The following SPPL2A variants were observed in gnomAD, a reference collection of about 807,000 sequenced individuals.
The protein encoded by SPPL2A is signal peptide peptidase-like 2A.
A neutral mutation model predicts 63.8 loss-of-function variants in SPPL2A; 51 were observed. The ratio of observed to expected loss-of-function variants is 0.80; its 90% CI spans 0.64 to 1.01. The LOEUF (loss-of-function observed/expected upper bound fraction) is 1.01, where lower values mean the gene tolerates loss of function less well. Ranked by LOEUF, SPPL2A falls within the 50% of genes least tolerant of loss-of-function variation. SPPL2A has a pLI of 0.00. For missense variants in SPPL2A, 553 were observed against 622.7 expected (o/e 0.89, Z 1.19); for synonymous variants, 188 against 205.8 (o/e 0.91, Z 0.74).
chr15:50,721,858 G>A (rs562622552), intron 13 of SPPL2A, among the ~76,000 whole-genome samples: 9 of 152,058 alleles, frequency 5.9e-5, no homozygotes, highest in African/African-American at 1.2e-4. Context: ...TGCCTGCCTC[G>A]GCCTCCCAAA....
At chr15:50,762,915 AT>A (rs1047412931) in intron 1 of SPPL2A, among the ~76,000 whole-genome samples, 4 of 137,820 alleles carry the variant, frequency 2.9e-5, no homozygotes, top group African/African-American at 2.6e-5. Flanking sequence ...TTTTTTTTGT[AT>A]TTTTTTTTAG....
At chr15:50,762,622 A>C (rs1377606434) in intron 1 of SPPL2A, among the ~76,000 whole-genome samples, 2 of 152,116 alleles carry the variant, frequency 1.3e-5, no homozygotes, top group Non-Finnish European at 2.9e-5. Flanking sequence ...CCTCTTCTAG[A>C]TGGATGTGCC....
rs2062511694 is a variant in SPPL2A at position 50,706,608 on chromosome 15, A to G, written c.*1192T>C. ...GGGTGGGCATCAGGAAGAAAAAAAG[A>G]TAACGGGTGGGAGTGGGGGAATGTG... is the stretch of plus-strand genomic sequence containing the variant. On this transcript the variant is annotated 3_prime_UTR_variant, in exon 15 of 15. Coordinates refer to ENST00000261854, the MANE Select transcript of SPPL2A (RefSeq NM_032802.4). 1 of 152,082 alleles carries G rather than the reference A, an allele frequency of 6.6e-6. No individual in the cohort carries two copies. The highest frequency in any genetic ancestry group is 6.6e-5 in the Admixed American group (1 of 15,240). 9.4% of individuals were successfully genotyped at this position (152,082 alleles called of 1,614,324 possible). A position where few individuals can be genotyped will look rare whatever the true frequency, so the allele number is the denominator to read the frequency against.
intron 1 of SPPL2A, among the ~76,000 whole-genome samples, chr15:50,758,786 T>A (rs902269515): frequency 1.3e-5 from 2 of 152,206 alleles, no homozygotes; most frequent in Non-Finnish European, 2.9e-5. Context: ...TTTTACTATC[T>A]TCAGGGAAGG....
At chr15:50,716,662 A>G (rs1197887836) in intron 14 of SPPL2A, among the ~76,000 whole-genome samples, 1 of 152,170 alleles carries the variant, frequency 6.6e-6, no homozygotes, top group East Asian at 1.9e-4. Flanking sequence ...TCTAAACTAA[A>G]CAAAGATTTA....
chr15:50,736,244 CA>C lies in SPPL2A; in HGVS notation c.831-43del, dbSNP rs2062770526. ...AATAGTTAACACTGCAGATGAAGTA[CA>C]ATGTTCACTTGATATAAGAAGTAGC... On this transcript the variant is annotated intron_variant, in intron 7 of 14. Transcript: ENST00000261854. 3 of 1,131,882 alleles carry C rather than the reference CA, an allele frequency of 2.7e-6. No homozygotes were observed. In the African/African-American group the frequency reaches 4.6e-5, roughly 17 times the overall value. 70.1% of individuals were successfully genotyped at this position (1,131,882 alleles called of 1,614,324 possible).
At chr15:50,748,226 A>T in intron 3 of SPPL2A, 24 bp from the exon 4 acceptor site, 1 of 849,866 alleles carries the variant, frequency 1.2e-6, no homozygotes, top group Non-Finnish European at 1.8e-6. Flanking sequence ...AATTATGAAA[A>T]CTTATTTACT....
rs74857095 is a variant in SPPL2A, at chr15:50,733,847, G to C, written c.933-1163C>G. On this transcript the variant is annotated intron_variant, in intron 8 of 14. Coordinates refer to ENST00000261854, the MANE Select transcript of SPPL2A (RefSeq NM_032802.4). Reference sequence around the variant, plus strand: ...AAAAAGTAATCCAATTAAAAATTGGGCAAAATATCTGAATAGACATTTCTC... The same window carrying C: ...AAAAAGTAATCCAATTAAAAATTGGCCAAAATATCTGAATAGACATTTCTC... Among the ~76,000 whole-genome samples, 786 of 152,006 alleles carry C rather than the reference G, an allele frequency of 5.2e-3. 7 individuals carry two copies. The highest frequency in any genetic ancestry group is 0.019 in the African/African-American group (768 of 41,480).
chr15:50,717,982 T>TC (rs1202336942), intron 14 of SPPL2A, among the ~76,000 whole-genome samples: 2 of 135,236 alleles, frequency 1.5e-5, no homozygotes, highest in African/African-American at 5.3e-5. Flanking sequence ...TTTTTTTTTT[T>TC]TTTTTTTGAG....
chr15:50,714,988 G>T (rs1596376036), intron 14 of SPPL2A, among the ~76,000 whole-genome samples: 1 of 151,080 alleles, frequency 6.6e-6, no homozygotes, highest in African/African-American at 2.4e-5. Flanking sequence ...TTTTTAAGAA[G>T]TTTTTTTTGG....
At chr15:50,763,398 G>A (rs568500258) in intron 1 of SPPL2A, among the ~76,000 whole-genome samples, 19 of 152,198 alleles carry the variant, frequency 1.2e-4, no homozygotes, top group African/African-American at 4.6e-4. Flanking sequence ...GATACTAGCT[G>A]GTATCGAAAA....
Position 50,707,691 on chromosome 15 carries a change from C to T in SPPL2A, c.*109G>A. 1 of 632,238 alleles carries T rather than the reference C, an allele frequency of 1.6e-6. No homozygotes were observed. The highest frequency in any genetic ancestry group is 2.0e-5 in the South Asian group (1 of 51,208). The allele number at this position is 632,238 out of a possible 1,614,324, so 39.2% of individuals were successfully genotyped here. ...ACCAGCTCATAAAAATATATTTTTG[C>T]AAGCATATCATTGAAGACTCTTTCA... On this transcript the variant is annotated 3_prime_UTR_variant, in exon 15 of 15. Coordinates refer to ENST00000261854, the MANE Select transcript of SPPL2A (RefSeq NM_032802.4).
intron 5 of SPPL2A, among the ~76,000 whole-genome samples, chr15:50,747,103 C>T (rs1295458583): frequency 6.6e-6 from 1 of 152,126 alleles, no homozygotes; most frequent in Non-Finnish European, 1.5e-5. Context: ...AAGCATTAAA[C>T]AGAATGATGA....
In SPPL2A at chr15:50,704,710, T is replaced by C. The variant is rs1011519873; in HGVS notation, c.*3090A>G. The C allele has an allele frequency of 1.3e-5, 2 of 152,264 alleles. No individual in the cohort carries two copies. Among genetic ancestry groups the C allele is most frequent in the Non-Finnish European group, 2.9e-5 (2 of 68,032 alleles). 9.4% of individuals were successfully genotyped at this position (152,264 alleles called of 1,614,324 possible). A position where few individuals can be genotyped will look rare whatever the true frequency, so the allele number is the denominator to read the frequency against. ...TTATCTATCTTTTGTTCATTTTGAG[T>C]CCCCAAATAAAATATTTCTGTACTT... On this transcript the variant is annotated 3_prime_UTR_variant, in exon 15 of 15. Transcript: ENST00000261854.
chr15:50,726,284 C>T, intron 11 of SPPL2A, 37 bp downstream of exon 11: 1 of 1,599,168 alleles, frequency 6.3e-7, no homozygotes, highest in Non-Finnish European at 8.6e-7. Context: ...CACATACATA[C>T]ACTGGATAGC....
At position 50,765,471 on chromosome 15, in the gene SPPL2A, C is replaced by T. The variant is rs1383604768; in HGVS notation, c.63G>A (p.Gln21=). 1 of 1,503,510 alleles carries T rather than the reference C, an allele frequency of 6.7e-7. No individual in the cohort carries two copies. The highest frequency in any genetic ancestry group is 2.3e-4 in the Middle Eastern group (1 of 4,276). 93.1% of individuals were successfully genotyped at this position (1,503,510 alleles called of 1,614,324 possible). A position where few individuals can be genotyped will look rare whatever the true frequency, so the allele number is the denominator to read the frequency against. The change falls in exon 1 of 15, where the codon CAG becomes CAA. Residue 21 remains glutamine (Q), a synonymous_variant. Coordinates refer to ENST00000261854, the MANE Select transcript of SPPL2A (RefSeq NM_032802.4). ...GAALLWGFLL[Q]LTAAQEAILH... is the part of the protein sequence containing the mutation. ...GCGCGCCTTCCCGCCCCCTTACCAGCTGGAGCAGGAAGCCCCAGAGTAGGG... is the reference window on the plus strand; with the variant it reads ...GCGCGCCTTCCCGCCCCCTTACCAGTTGGAGCAGGAAGCCCCAGAGTAGGG...
chr15:50,730,739 G>A (rs1425270793), intron 10 of SPPL2A, among the ~76,000 whole-genome samples: 1 of 152,106 alleles, frequency 6.6e-6, no homozygotes, highest in Admixed American at 6.6e-5. Context: ...AAAAAGGGAA[G>A]AAAAGTACAG....
chr15:50,714,950 G>A (rs1007163469), intron 14 of SPPL2A, among the ~76,000 whole-genome samples: 8 of 150,948 alleles, frequency 5.3e-5, no homozygotes, highest in African/African-American at 1.7e-4. Context: ...ACCCCTCCCC[G>A]CCCAAAAAAT....
At chr15:50,765,026 T>C (rs1596404135) in intron 1 of SPPL2A, among the ~76,000 whole-genome samples, 1 of 152,176 alleles carries the variant, frequency 6.6e-6, no homozygotes, top group South Asian at 2.1e-4. Context: ...TAAAGTGCAG[T>C]CCTCGAACCG....
Sources: allele counts gnomAD v4.1 joint callset (sites outside exome capture counted in the v4.1 genomes callset), GRCh38; gene constraint gnomAD v4.1.1; transcripts MANE v1.5; gene names NCBI Gene and HGNC (gene_info 2026-07-23, HGNC 2026-07-21).